The following CNTN4 variants were observed in gnomAD, a reference collection of about 807,000 sequenced individuals.
CNTN4 encodes contactin-4.
Under a neutral mutation model 122.5 loss-of-function variants are expected in CNTN4, and 77 were observed. The ratio of observed to expected loss-of-function variants is 0.63; its 90% CI spans 0.52 to 0.76. The LOEUF (loss-of-function observed/expected upper bound fraction) is 0.76. CNTN4 is among the 30% of genes least tolerant of loss of function. The probability of loss-of-function intolerance (pLI) is 0.00; values close to 1 mark genes in which losing one functional copy is unlikely to be tolerated. For synonymous variants in CNTN4, 512 were observed against 447.0 expected, an observed-to-expected ratio of 1.15 and a Z score of -1.83; for missense variants, 1,256 against 1,259.1, an observed-to-expected ratio of 1.00 and a Z score of 0.04.
chr3:2,437,124 A>G (rs2048284365), intron 3 of CNTN4, among the ~76,000 whole-genome samples: 1 of 152,014 alleles, frequency 6.6e-6, no homozygotes, highest in Non-Finnish European at 1.5e-5. Context: ...CTTTCTACCC[A>G]TTTTTATGCC....
chr3:2,933,951 G>A (rs1008929733), intron 13 of CNTN4, among the ~76,000 whole-genome samples: 3 of 152,120 alleles, frequency 2.0e-5, no homozygotes, highest in East Asian at 1.9e-4. Context: ...CGGAAGCCAC[G>A]CCTGCTGGGA....
rs57712177 is a variant in CNTN4 at position 2,969,516 on chromosome 3, G to GATT, written c.1359-18807_1359-18805dup. Among the ~76,000 whole-genome samples, 244 of 121,458 alleles carry GATT rather than the reference G, an allele frequency of 2.0e-3. 2 individuals carry two copies. The highest frequency in any genetic ancestry group is 2.7e-3 in the Admixed American group (32 of 11,650). 79.7% of individuals were successfully genotyped at this position (121,458 alleles called of 152,430 possible). ...ACATGATTTCCCAAAGGAAAATTGG[G>GATT]ATTATTATTATTATTATTATTATTC... On this transcript the variant is annotated intron_variant, in intron 13 of 24. Transcript: ENST00000418658.
rs2125378095 is a variant in CNTN4 at position 2,146,963 on chromosome 3, C to G, written c.-145+46324C>G. ...AGTCGTGATCTTGGCTCATTGCAACCTCTGCCTCCTGGGTTCAAGCGATTC... is the reference window on the plus strand; with the variant it reads ...AGTCGTGATCTTGGCTCATTGCAACGTCTGCCTCCTGGGTTCAAGCGATTC... On this transcript the variant is annotated intron_variant, in intron 2 of 24. Coordinates refer to ENST00000418658, the MANE Select transcript of CNTN4 (RefSeq NM_175607.3). Among the ~76,000 whole-genome samples, 2 of 152,214 alleles carry G rather than the reference C, an allele frequency of 1.3e-5. 1 individual carries two copies. The highest frequency in any genetic ancestry group is 3.9e-4 in the East Asian group (2 of 5,164).
chr3:2,649,158 A>G (rs919511297), intron 4 of CNTN4, among the ~76,000 whole-genome samples: 4 of 152,206 alleles, frequency 2.6e-5, no homozygotes, highest in Middle Eastern at 3.2e-3. Flanking sequence ...GTAGAAACAA[A>G]TGCTGATATA....
chr3:2,969,040 T>C lies in CNTN4; in HGVS notation c.1359-19305T>C, dbSNP rs957255949. 2.1e-5 allele frequency among the ~76,000 whole-genome samples: 3 copies of C among 141,194 alleles called. No individual in the cohort carries two copies. In the East Asian group the frequency reaches 5.9e-4, roughly 28 times the overall value. 92.6% of individuals were successfully genotyped at this position (141,194 alleles called of 152,430 possible). On this transcript the variant is annotated intron_variant, in intron 13 of 24. Transcript: ENST00000418658. ...GTACAACGCAATGATTTTTAGTAAA[T>C]TGTACTAAGTTTTGCAACTATCACC...
At chr3:2,929,057 A>G (rs2094497301) in intron 13 of CNTN4, among the ~76,000 whole-genome samples, 1 of 152,236 alleles carries the variant, frequency 6.6e-6, no homozygotes, top group Non-Finnish European at 1.5e-5. Context: ...AAAGATTGAA[A>G]AGTCAAGTAA....
chr3:3,027,056 C>A (rs1698784512), intron 15 of CNTN4, among the ~76,000 whole-genome samples: 1 of 152,142 alleles, frequency 6.6e-6, no homozygotes, highest in African/African-American at 2.4e-5. Context: ...AAGCTCTCCC[C>A]ACTTCCTAGG....
At chr3:2,125,060 T>C (rs573025280) in intron 2 of CNTN4, among the ~76,000 whole-genome samples, 6 of 152,276 alleles carry the variant, frequency 3.9e-5, no homozygotes, top group East Asian at 3.9e-4. Flanking sequence ...CTAGCACTTA[T>C]TCATCTTGCA....
At chr3:2,925,446 G>A (rs1457521819) in intron 12 of CNTN4, among the ~76,000 whole-genome samples, 183 bp from the exon 13 acceptor site, 3 of 152,124 alleles carry the variant, frequency 2.0e-5, no homozygotes, top group African/African-American at 4.8e-5. Flanking sequence ...CCAGCTACTA[G>A]GGAGGCTGAG....
intron 3 of CNTN4, among the ~76,000 whole-genome samples, chr3:2,471,817 G>T (rs1287223810): frequency 6.6e-6 from 1 of 152,244 alleles, no homozygotes; most frequent in East Asian, 1.9e-4. Context: ...TCTTGTATTA[G>T]AATCATGGGT....
At chr3:2,120,399 ATATATATTTTTT>A (rs2033681350) in intron 2 of CNTN4, among the ~76,000 whole-genome samples, 7 of 30,748 alleles carry the variant, frequency 2.3e-4, no homozygotes, top group African/African-American at 5.8e-4. Context: ...ATATATATAT[ATATATATTTTTT>A]TTTTTTTTTT....
At chr3:2,145,707 A>C (rs192928489) in intron 2 of CNTN4, among the ~76,000 whole-genome samples, 73 of 152,374 alleles carry the variant, frequency 4.8e-4, no homozygotes, top group African/African-American at 1.7e-3. Context: ...TTATACATGA[A>C]ATGAAATTTC....
intron 14 of CNTN4, among the ~76,000 whole-genome samples, chr3:3,012,951 A>G (rs1353412057): frequency 6.6e-6 from 1 of 151,988 alleles, no homozygotes; most frequent in African/African-American, 2.4e-5. Context: ...CCGGGCAACA[A>G]GAGCGAAATT....
intron 3 of CNTN4, among the ~76,000 whole-genome samples, chr3:2,344,294 T>C (rs1322691595): frequency 2.0e-5 from 3 of 151,784 alleles, no homozygotes; most frequent in Admixed American, 1.3e-4. Flanking sequence ...TTTTTTTTTT[T>C]AGATGGCATC....
At chr3:2,978,257 T>C (rs1019904269) in intron 13 of CNTN4, among the ~76,000 whole-genome samples, 1 of 152,064 alleles carries the variant, frequency 6.6e-6, no homozygotes, top group African/African-American at 2.4e-5. Flanking sequence ...ATGTCTTGAG[T>C]GGAAACATTG....
chr3:2,452,917 T>G (rs916072635), intron 3 of CNTN4, among the ~76,000 whole-genome samples: 4 of 152,152 alleles, frequency 2.6e-5, no homozygotes, highest in East Asian at 1.9e-4. Flanking sequence ...TCACCTTTTT[T>G]TGTGTTTTTG....
At chr3:2,209,570 G>C (rs904823612) in intron 2 of CNTN4, among the ~76,000 whole-genome samples, 2 of 152,080 alleles carry the variant, frequency 1.3e-5, no homozygotes, top group Admixed American at 6.6e-5. Flanking sequence ...CTTCAACCCT[G>C]TGCTGGGTAG....
At chr3:2,695,850 T>A (rs2728026) in intron 4 of CNTN4, among the ~76,000 whole-genome samples, 123,229 of 152,078 alleles carry the variant, frequency 0.81, 50,202 homozygotes, top group African/African-American at 0.89. Context: ...AGCAAATGTT[T>A]TCCAAGAGAA....
chr3:2,170,678 G>T (rs1238688843), intron 2 of CNTN4, among the ~76,000 whole-genome samples: 1 of 152,132 alleles, frequency 6.6e-6, no homozygotes, highest in African/African-American at 2.4e-5. Context: ...GTAGAGAAAT[G>T]TAGGGAGTGA....
Sources: allele counts gnomAD v4.1 joint callset (sites outside exome capture counted in the v4.1 genomes callset), GRCh38; gene constraint gnomAD v4.1.1; transcripts MANE v1.5; gene names NCBI Gene and HGNC (gene_info 2026-07-23, HGNC 2026-07-21).